C4orf51: variants seen among roughly 807,000 people sequenced by gnomAD.
C4orf51 encodes the protein chromosome 4 open reading frame 51, also known as uncharacterized protein C4orf51.
A neutral mutation model predicts 25.2 loss-of-function variants in C4orf51; 25 were observed. That is an observed-to-expected ratio of 0.99 (90% CI 0.72 to 1.39). The LOEUF is 1.39. Among genes scored for constraint, C4orf51 ranks in the 40% most tolerant of loss-of-function variants. The pLI is 0.00. For missense variants in C4orf51, 252 were observed against 239.6 expected, an observed-to-expected ratio of 1.05 and a Z score of -0.34; for synonymous variants, 100 against 84.5, an observed-to-expected ratio of 1.18 and a Z score of -1.01.
chr4:145,714,784 C>T (rs1437904650), intron 2 of C4orf51, among the ~76,000 whole-genome samples: 1 of 152,168 alleles, frequency 6.6e-6, no homozygotes, highest in Non-Finnish European at 1.5e-5. Flanking sequence ...CTCCAGTCTT[C>T]ACTGACTGGC....
chr4:145,760,715 T>G, intron 1 of C4orf51: 7 of 1,001,164 alleles, frequency 7.0e-6, no homozygotes, highest in Non-Finnish European at 8.4e-6. Flanking sequence ...TGTTTAAGTT[T>G]TGTGGTTTTT....
At chr4:145,731,735 CCA>C (rs1732493120) in intron 5 of C4orf51, among the ~76,000 whole-genome samples, 1 of 151,830 alleles carries the variant, frequency 6.6e-6, no homozygotes, top group South Asian at 2.1e-4. Context: ...GTGTGTGCCA[CCA>C]CACCCAACTA....
Position 145,687,007 on chromosome 4 carries a change from G to GT in C4orf51, c.233+6571_233+6572insT, listed in dbSNP as rs1275764318. ...TCAGAAGACATTGGATCTTGTGGGG[G>GT]GGGCGGTTTCCTTCTACCCCTTTGA... On this transcript the variant is annotated intron_variant, in intron 1 of 5. Coordinates refer to ENST00000438731, the MANE Select transcript of C4orf51 (RefSeq NM_001080531.3). Among the ~76,000 whole-genome samples the GT allele has an allele frequency of 3.0e-5, 4 of 131,282 alleles. No individual in the cohort carries two copies. The East Asian group carries it at 8.0e-4, about 26-fold the overall frequency. The allele number at this position is 131,282 out of a possible 152,430, so 86.1% of individuals were successfully genotyped here. A position where few individuals can be genotyped will look rare whatever the true frequency, so the allele number is the denominator to read the frequency against.
At position 145,765,289 on chromosome 4, in the gene C4orf51, G is replaced by A; in HGVS notation, n.167-5699G>A. 1 of 1,129,988 alleles carries A rather than the reference G, an allele frequency of 8.8e-7. No individual in the cohort carries two copies. Among genetic ancestry groups the A allele is most frequent in the Non-Finnish European group, 1.2e-6 (1 of 816,496 alleles). The allele number at this position is 1,129,988 out of a possible 1,614,324, so 70.0% of individuals were successfully genotyped here. A position where few individuals can be genotyped will look rare whatever the true frequency, so the allele number is the denominator to read the frequency against. On this transcript the variant is annotated intron_variant and non_coding_transcript_variant, in intron 1 of 1. Coordinates refer to the C4orf51 transcript ENST00000510096. This position sits in a 1 kb window ranked among gnomAD's most constrained non-coding sequence, Gnocchi z 4.7. ...GACGCCTGACAGCTATACCCTTCCA[G>A]GCACTGTTCCCCATATCTCTGTGCT...
chr4:145,739,206 A>G (rs1732966271), intron 1 of C4orf51, among the ~76,000 whole-genome samples: 1 of 152,192 alleles, frequency 6.6e-6, no homozygotes, highest in Non-Finnish European at 1.5e-5. Flanking sequence ...TTGTCCACTC[A>G]TTTAGTAATA....
At position 145,696,583 on chromosome 4, in the gene C4orf51, C is replaced by T; in HGVS notation, c.258C>T (p.Ala86=). The part of the protein sequence containing the change: ...CKQMSLTNSS[A]CHLLCWAGTQ... ...GGATGTCATTGACAAACAGTTCTGC[C>T]TGTCATCTTCTCTGCTGGGCTGGTA... The change falls in exon 2 of 6, where the codon GCC becomes GCT. Residue 86 remains alanine (A), a synonymous_variant. Transcript: ENST00000438731. The T allele has an allele frequency of 6.2e-7, 1 of 1,613,536 alleles. No homozygotes were observed. Among genetic ancestry groups the T allele is most frequent in the Non-Finnish European group, 8.5e-7 (1 of 1,179,542 alleles).
intron 1 of C4orf51, among the ~76,000 whole-genome samples, chr4:145,745,369 AC>A (rs1733316098): frequency 2.2e-5 from 3 of 139,064 alleles, no homozygotes; most frequent in Non-Finnish European, 3.0e-5. Flanking sequence ...CTTCCCCCTA[AC>A]CCCCTAGAAC....
the C4orf51 span, among the ~76,000 whole-genome samples, chr4:145,782,619 C>T: frequency 1.3e-5 from 2 of 152,124 alleles, no homozygotes; most frequent in African/African-American, 2.4e-5. Flanking sequence ...GCTATCAGAC[C>T]CCTTCCAACA....
At chr4:145,686,299 G>A (rs1051916739) in intron 1 of C4orf51, among the ~76,000 whole-genome samples, 1 of 152,152 alleles carries the variant, frequency 6.6e-6, no homozygotes, top group Non-Finnish European at 1.5e-5. Flanking sequence ...TTTTGTTTGG[G>A]TTGACTAAAA....
chr4:145,765,621 C>A lies in C4orf51; in HGVS notation n.167-5367C>A, dbSNP rs1182367774. The A allele has an allele frequency of 6.2e-7, 1 of 1,614,140 alleles. No individual in the cohort carries two copies. Among genetic ancestry groups the A allele is most frequent in the Non-Finnish European group, 8.5e-7 (1 of 1,180,018 alleles). Reference sequence around the variant, plus strand: ...GACAGAGATGACCAGCAGATTGTTCCCGCCCTTGTTTTTCTGGGAGCCATC... The same window carrying A: ...GACAGAGATGACCAGCAGATTGTTCACGCCCTTGTTTTTCTGGGAGCCATC... On this transcript the variant is annotated intron_variant and non_coding_transcript_variant, in intron 1 of 1. Transcript: ENST00000510096. The surrounding 1 kb of genome is among the most constrained non-coding windows in gnomAD (Gnocchi z 4.7).
intron 1 of C4orf51, among the ~76,000 whole-genome samples, chr4:145,693,839 GGC>G (rs1729800480): frequency 9.3e-6 from 1 of 107,832 alleles, no homozygotes; most frequent in Non-Finnish European, 1.9e-5. Context: ...CGGGCGGGGG[GGC>G]TGACCCCCCC....
intron 1 of C4orf51, chr4:145,764,824 A>C (rs966800535): frequency 1.5e-5 from 13 of 878,576 alleles, no homozygotes; most frequent in African/African-American, 5.0e-5. Flanking sequence ...GGACAGGTCT[A>C]ATTCAATCCA....
intron 1 of C4orf51, among the ~76,000 whole-genome samples, chr4:145,767,831 A>G (rs1579091582): frequency 6.6e-6 from 1 of 152,228 alleles, no homozygotes; most frequent in Non-Finnish European, 1.5e-5. Context: ...ATTCATCACC[A>G]GCAGACCTGA....
intron 2 of C4orf51, among the ~76,000 whole-genome samples, chr4:145,723,756 G>C (rs1303495084): frequency 1.3e-5 from 2 of 152,198 alleles, no homozygotes; most frequent in African/African-American, 4.8e-5. Context: ...CAGGAAGGTA[G>C]ATACATAATA....
the C4orf51 span, among the ~76,000 whole-genome samples, chr4:145,783,068 TAAGCC>T: frequency 7.1e-6 from 1 of 140,040 alleles, no homozygotes; most frequent in South Asian, 2.2e-4. Context: ...ATATCTTCTA[TAAGCC>T]ATATATATAT....
At chr4:145,704,531 G>A (rs1307510435) in intron 2 of C4orf51, among the ~76,000 whole-genome samples, 1 of 152,194 alleles carries the variant, frequency 6.6e-6, no homozygotes, top group Non-Finnish European at 1.5e-5. Context: ...TTAGCTAACT[G>A]TATATGCGTG....
chr4:145,696,773 C>T, intron 2 of C4orf51, 141 bp downstream of exon 2: 1 of 636,706 alleles, frequency 1.6e-6, no homozygotes. Flanking sequence ...TGGCTCACAC[C>T]TGTACTCTCA....
In C4orf51 at chr4:145,759,467, A is replaced by G. The variant is rs565630319; in HGVS notation, n.167-11521A>G. 10 of 152,342 alleles carry G rather than the reference A, an allele frequency of 6.6e-5. No individual in the cohort carries two copies. In the South Asian group the frequency reaches 2.1e-3, roughly 32 times the overall value. 9.4% of individuals were successfully genotyped at this position (152,342 alleles called of 1,614,324 possible). On this transcript the variant is annotated intron_variant and non_coding_transcript_variant, in intron 1 of 1. Transcript: ENST00000510096. Reference sequence around the variant, plus strand: ...AGCAGGTTACATCTACCAGGCGTTAACAAAATGGAATACAGAATTACTAAT... The same window carrying G: ...AGCAGGTTACATCTACCAGGCGTTAGCAAAATGGAATACAGAATTACTAAT...
the C4orf51 span, among the ~76,000 whole-genome samples, chr4:145,788,084 C>T: frequency 7.9e-5 from 12 of 152,168 alleles, no homozygotes; most frequent in Non-Finnish European, 1.6e-4. Flanking sequence ...GCCTGCTCCT[C>T]TAAGCCATAT....
Sources: allele counts gnomAD v4.1 joint callset (sites outside exome capture counted in the v4.1 genomes callset), GRCh38; gene constraint gnomAD v4.1.1; non-coding constraint Gnocchi (gnomAD v3.1); transcripts MANE v1.5; gene names NCBI Gene and HGNC (gene_info 2026-07-23, HGNC 2026-07-21).